Variants in PIK3C2G observed in about 807,000 individuals in gnomAD.
PIK3C2G encodes phosphatidylinositol-4-phosphate 3-kinase catalytic subunit type 2 gamma.
Under a neutral mutation model 181.1 loss-of-function variants are expected in PIK3C2G, and 168 were observed. The ratio of observed to expected loss-of-function variants is 0.93; its 90% confidence interval spans 0.82 to 1.05. The LOEUF (loss-of-function observed/expected upper bound fraction) is 1.05, where lower values mean the gene tolerates loss of function less well. Ranked by LOEUF, PIK3C2G falls within the 50% of genes least tolerant of loss-of-function variation. The pLI, the probability that PIK3C2G is intolerant of heterozygous loss-of-function variation, is 0.00. For synonymous variants in PIK3C2G, 573 were observed against 592.2 expected, an observed-to-expected ratio of 0.97 and a Z score of 0.47; for missense variants, 1,869 against 1,732.8, an observed-to-expected ratio of 1.08 and a Z score of -1.40.
intron 29 of PIK3C2G, among the ~76,000 whole-genome samples, chr12:18,568,484 G>T (rs1233044450): frequency 6.6e-6 from 1 of 151,958 alleles, no homozygotes; most frequent in African/African-American, 2.4e-5. Context: ...GATTGTGGAG[G>T]TGCAAATCCA....
intron 18 of PIK3C2G, among the ~76,000 whole-genome samples, chr12:18,440,881 C>T (rs751228645): frequency 1.3e-5 from 2 of 152,044 alleles, no homozygotes; most frequent in Non-Finnish European, 2.9e-5. Context: ...AACTATTGAA[C>T]ATTTTCATCT....
At chr12:18,686,137 C>G in the PIK3C2G span, among the ~76,000 whole-genome samples, 1 of 151,934 alleles carries the variant, frequency 6.6e-6, no homozygotes, top group African/African-American at 2.4e-5. Context: ...TCCCCCATTC[C>G]TTTCCTACTG....
At chr12:18,601,454 T>C (rs1200130176) in intron 30 of PIK3C2G, among the ~76,000 whole-genome samples, 1 of 152,004 alleles carries the variant, frequency 6.6e-6, no homozygotes, top group East Asian at 1.9e-4. Flanking sequence ...CAGAGGATAC[T>C]AGAGGGTGAG....
At chr12:18,313,822 A>G (rs1950742110) in intron 5 of PIK3C2G, 140 bp from the exon 6 acceptor site, 4 of 545,518 alleles carry the variant, frequency 7.3e-6, no homozygotes, top group Admixed American at 3.4e-5. Flanking sequence ...ACACACACAC[A>G]CACACACGCA....
chr12:18,262,879 G>T (rs2137004276), intron 1 of PIK3C2G, among the ~76,000 whole-genome samples: 1 of 152,204 alleles, frequency 6.6e-6, no homozygotes, highest in East Asian at 1.9e-4. Context: ...GCATTGTATT[G>T]TATTTCTAAC....
intron 13 of PIK3C2G, among the ~76,000 whole-genome samples, chr12:18,380,339 C>T (rs1220147149): frequency 6.6e-6 from 1 of 152,146 alleles, no homozygotes; most frequent in Non-Finnish European, 1.5e-5. Flanking sequence ...CTGTCCCATG[C>T]ACAGAAACAT....
At chr12:18,518,519 C>T (rs1406673910) in intron 24 of PIK3C2G, among the ~76,000 whole-genome samples, 4 of 152,062 alleles carry the variant, frequency 2.6e-5, no homozygotes, top group East Asian at 1.9e-4. Context: ...AGTTTATTTG[C>T]GTAGAGGTGT....
intron 18 of PIK3C2G, 24 bp from the exon 19 acceptor site, chr12:18,488,425 T>C: frequency 6.9e-7 from 1 of 1,459,426 alleles, no homozygotes; most frequent in Non-Finnish European, 9.1e-7. Context: ...CATACAAGAA[T>C]TTTTTTCTCT....
At chr12:18,545,330 A>C (rs1362548787) in intron 25 of PIK3C2G, among the ~76,000 whole-genome samples, 2 of 151,886 alleles carry the variant, frequency 1.3e-5, no homozygotes, top group Admixed American at 1.3e-4. Context: ...TCTTTTTCTC[A>C]TTTGAACTTC....
chr12:18,374,937 C>T (rs1942331229), intron 13 of PIK3C2G, among the ~76,000 whole-genome samples: 4 of 152,134 alleles, frequency 2.6e-5, no homozygotes, highest in Admixed American at 2.6e-4. Context: ...CAGCAGATGC[C>T]AGCACCATGC....
intron 8 of PIK3C2G, among the ~76,000 whole-genome samples, chr12:18,332,669 T>A (rs1346257661): frequency 6.6e-6 from 1 of 151,972 alleles, no homozygotes; most frequent in South Asian, 2.1e-4. Context: ...GTCCTACTTC[T>A]CCCCCAGAGA....
rs1444567095 is a variant in PIK3C2G, at chr12:18,321,001, C to A, written c.1177C>A (p.Leu393Ile). 1.3e-6 allele frequency: 2 copies of A among 1,570,962 alleles called. No individual in the cohort carries two copies. The highest frequency in any genetic ancestry group is 1.7e-6 in the Non-Finnish European group (2 of 1,145,272). ...CAGTCAGTTTTATCTGAATCAACTT[C>A]TAGAATTTATGCATATTTGGAAAGT... ...DHSQFYLNQLLEFMHIWKVSR... is the reference protein window; with the variant it reads ...DHSQFYLNQLIEFMHIWKVSR... Residue 393 changes from leucine to isoleucine, a missense_variant, in exon 7 of 33, where the codon CTA becomes ATA. Leu to Ile is a conservative substitution (Grantham distance 5, BLOSUM62 2). Coordinates refer to ENST00000538779, the MANE Select transcript of PIK3C2G (RefSeq NM_001288772.2).
chr12:18,690,828 C>A, the PIK3C2G span, among the ~76,000 whole-genome samples: 1 of 152,100 alleles, frequency 6.6e-6, no homozygotes, highest in South Asian at 2.1e-4. Context: ...GAGAAGGATC[C>A]TAGTTCCACA....
intron 20 of PIK3C2G, among the ~76,000 whole-genome samples, chr12:18,494,750 G>A (rs766548917): frequency 1.3e-5 from 2 of 152,016 alleles, no homozygotes; most frequent in South Asian, 4.1e-4. Context: ...CATGATATAT[G>A]GTCATGTGAT....
intron 31 of PIK3C2G, among the ~76,000 whole-genome samples, chr12:18,619,865 C>T (rs1948769236): frequency 6.6e-6 from 1 of 151,756 alleles, no homozygotes; most frequent in Non-Finnish European, 1.5e-5. Context: ...GCTGGGACTA[C>T]AGGCGTCCAC....
chr12:18,482,617 GCCC>G (rs34985518), intron 18 of PIK3C2G, among the ~76,000 whole-genome samples: 21 of 152,084 alleles, frequency 1.4e-4, no homozygotes, highest in South Asian at 2.1e-4. Context: ...TTGCTTCTTT[GCCC>G]CCCCTTTTCT....
intron 12 of PIK3C2G, among the ~76,000 whole-genome samples, chr12:18,370,080 A>G (rs1048656508): frequency 6.6e-6 from 1 of 152,130 alleles, no homozygotes; most frequent in Non-Finnish European, 1.5e-5. Flanking sequence ...TATAATGATC[A>G]TATATGAGAA....
At chr12:18,362,420 G>A (rs1941319477) in intron 11 of PIK3C2G, among the ~76,000 whole-genome samples, 2 of 152,184 alleles carry the variant, frequency 1.3e-5, no homozygotes, top group East Asian at 1.9e-4. Context: ...CCAGGGAAGA[G>A]GCTCTGGTAA....
chr12:18,701,051 C>T, the PIK3C2G span, among the ~76,000 whole-genome samples: 58,391 of 151,258 alleles, frequency 0.39, 11,429 homozygotes, highest in African/African-American at 0.44. Flanking sequence ...ATGGCTCGAT[C>T]TCGGCTCACT....
Sources: gnomAD v4.1 joint callset for allele counts (sites outside exome capture counted in the v4.1 genomes callset) on GRCh38, gnomAD v4.1.1 for gene constraint, MANE v1.5 for transcripts, NCBI Gene and HGNC (gene_info 2026-07-23, HGNC 2026-07-21) for gene names.